The following TOX variants were observed in gnomAD, a reference collection of about 807,000 sequenced individuals.
TOX encodes the protein thymocyte selection-associated high mobility group box protein TOX.
A neutral mutation model predicts 53.7 loss-of-function variants in TOX; 11 were observed. The ratio of observed to expected loss-of-function variants is 0.20; its 90% confidence interval spans 0.13 to 0.34. The LOEUF is 0.34. TOX is among the 10% of genes least tolerant of loss of function. The probability of loss-of-function intolerance (pLI) is 1.00; values close to 1 mark genes in which losing one functional copy is unlikely to be tolerated. For missense variants in TOX, 570 were observed against 664.6 expected, an observed-to-expected ratio of 0.86 and a Z score of 1.56; for synonymous variants, 225 against 245.3, an observed-to-expected ratio of 0.92 and a Z score of 0.77.
At chr8:59,042,399 T>C (rs754593105) in intron 1 of TOX, among the ~76,000 whole-genome samples, 2 of 152,226 alleles carry the variant, frequency 1.3e-5, no homozygotes, top group Non-Finnish European at 2.9e-5. Context: ...ATTTTAAAGA[T>C]AAATATGCTC....
intron 1 of TOX, among the ~76,000 whole-genome samples, chr8:59,068,298 A>C (rs1804131435): frequency 6.6e-6 from 1 of 152,188 alleles, no homozygotes. Context: ...TTATGACAAG[A>C]TATAAGGCAG....
chr8:58,808,157 G>T lies in TOX; in HGVS notation c.1505C>A (p.Pro502Gln), dbSNP rs201487566. The change falls in exon 8 of 9, where the codon CCA becomes CAA. Residue 502 changes from proline to glutamine, a missense_variant. Around this residue, in one of 3 missense-constraint regions of TOX, gnomAD observed 239 missense variants for 250.7 expected, o/e 0.95. Coordinates refer to ENST00000361421, the MANE Select transcript of TOX (RefSeq NM_014729.3). ...YVRSGCRNPPPQPVDWNNDYC... is the reference protein window; with the variant it reads ...YVRSGCRNPPQQPVDWNNDYC... ...GTCGTTATTCCAGTCCACCGGTTGT[G>T]GGGGAGGATTTCTGCACCCCGAACG... The T allele has an allele frequency of 6.1e-5, 98 of 1,613,918 alleles. 1 individual carries two copies. The East Asian group carries it at 6.2e-4, about 10-fold the overall frequency.
At chr8:58,998,493 G>GTGTATATATA (rs1491538699) in intron 1 of TOX, among the ~76,000 whole-genome samples, 1 of 63,642 alleles carries the variant, frequency 1.6e-5, no homozygotes. Context: ...CATCTCAAAA[G>GTGTATATATA]TATATATATA....
chr8:59,046,858 C>CAAAAAA (rs34869193), intron 1 of TOX, among the ~76,000 whole-genome samples: 18 of 77,866 alleles, frequency 2.3e-4, no homozygotes, highest in East Asian at 7.5e-4. Context: ...GACTATGTCT[C>CAAAAAA]AAAAAAAAAA....
chr8:58,923,145 A>G (rs1391511324), intron 3 of TOX, among the ~76,000 whole-genome samples: 2 of 152,092 alleles, frequency 1.3e-5, no homozygotes, highest in Non-Finnish European at 1.5e-5. Flanking sequence ...AGGGTGGTCA[A>G]TCTAATTAAT....
chr8:59,110,996 C>A (rs1805006561), intron 1 of TOX, among the ~76,000 whole-genome samples: 1 of 152,106 alleles, frequency 6.6e-6, no homozygotes, highest in Admixed American at 6.5e-5. Flanking sequence ...AATAATCTAC[C>A]TACTTAATTC....
chr8:58,913,083 T>G, intron 3 of TOX, among the ~76,000 whole-genome samples: 1 of 152,348 alleles, frequency 6.6e-6, no homozygotes, highest in South Asian at 2.1e-4. Flanking sequence ...TCATATCCAT[T>G]GAATGAATGT....
chr8:58,984,373 C>A (rs1245597425), intron 1 of TOX, among the ~76,000 whole-genome samples: 3 of 152,082 alleles, frequency 2.0e-5, no homozygotes, highest in Non-Finnish European at 4.4e-5. Context: ...GATGCATCTC[C>A]AAAGAAGATG....
At chr8:59,052,146 T>C (rs1026070722) in intron 1 of TOX, among the ~76,000 whole-genome samples, 2 of 152,208 alleles carry the variant, frequency 1.3e-5, no homozygotes, top group African/African-American at 4.8e-5. Flanking sequence ...TACCTACTTT[T>C]ATACAGAAAC....
At chr8:58,889,165 A>G (rs1358363376) in intron 3 of TOX, among the ~76,000 whole-genome samples, 1 of 150,390 alleles carries the variant, frequency 6.6e-6, no homozygotes, top group Non-Finnish European at 1.5e-5. Context: ...TTACACTCAT[A>G]TAAGATATTT....
chr8:59,038,348 T>C (rs529578225), intron 1 of TOX, among the ~76,000 whole-genome samples: 26 of 152,322 alleles, frequency 1.7e-4, no homozygotes, highest in African/African-American at 5.8e-4. Context: ...GTAAGGCAGA[T>C]GACAATTAAA....
intron 3 of TOX, among the ~76,000 whole-genome samples, chr8:58,911,018 T>C (rs1037898710): frequency 6.6e-6 from 1 of 152,206 alleles, no homozygotes; most frequent in Non-Finnish European, 1.5e-5. Context: ...ATTTAAATTA[T>C]TGCTTGGTAA....
intron 3 of TOX, among the ~76,000 whole-genome samples, chr8:58,910,689 G>A (rs1376087848): frequency 6.6e-6 from 1 of 152,184 alleles, no homozygotes; most frequent in African/African-American, 2.4e-5. Flanking sequence ...GCACCTTTTA[G>A]AGAGCCTGTT....
chr8:58,988,679 CTG>C (rs1158867081), intron 1 of TOX, among the ~76,000 whole-genome samples: 25 of 152,288 alleles, frequency 1.6e-4, no homozygotes, highest in Non-Finnish European at 2.9e-4. Context: ...GAGAAAATAA[CTG>C]GAAATAATAA....
rs773649323 is a variant in TOX, at chr8:58,815,651, T to C, written c.1079A>G (p.His360Arg). The change falls in exon 7 of 9, where the codon CAT becomes CGT. Residue 360 changes from histidine to arginine, a missense_variant. Around this residue, in one of 3 missense-constraint regions of TOX, gnomAD observed 239 missense variants for 250.7 expected, o/e 0.95. Transcript: ENST00000361421. ...GGCCGAGTGGGCCTGGCTGGGCCCA[T>C]GGAACACCGACGGCTTCGAATTGAT... ...QLINSKPSVFHGPSQAHSALY... is the reference protein window; with the variant it reads ...QLINSKPSVFRGPSQAHSALY... 171 of 1,613,954 alleles carry C rather than the reference T, an allele frequency of 1.1e-4. No individual in the cohort carries two copies. The highest frequency in any genetic ancestry group is 1.4e-4 in the Non-Finnish European group (168 of 1,179,998).
rs188667962 is a variant in TOX, at chr8:58,840,031, G to A, written c.694-1720C>T. Among the ~76,000 whole-genome samples the A allele has an allele frequency of 4.0e-4, 61 of 152,256 alleles. No individual in the cohort carries two copies. The East Asian group carries it at 7.9e-3, about 20-fold the overall frequency. Reference sequence around the variant, plus strand: ...TATATATGTGTAGAAGTTTAAAAGCGTATTCAAATATCAATTATGACAAGG... The same window carrying A: ...TATATATGTGTAGAAGTTTAAAAGCATATTCAAATATCAATTATGACAAGG... On this transcript the variant is annotated intron_variant, in intron 4 of 8. Coordinates refer to ENST00000361421, the MANE Select transcript of TOX (RefSeq NM_014729.3).
intron 3 of TOX, among the ~76,000 whole-genome samples, chr8:58,854,395 T>G (rs1414449331): frequency 6.6e-6 from 1 of 152,060 alleles, no homozygotes; most frequent in African/African-American, 2.4e-5. Context: ...TCCAAAAGCT[T>G]GAAGCAATCT....
intron 1 of TOX, among the ~76,000 whole-genome samples, chr8:59,031,285 T>C (rs936828033): frequency 1.3e-4 from 20 of 152,360 alleles, no homozygotes; most frequent in African/African-American, 4.1e-4. Context: ...GGTTACTTCA[T>C]TGAGCTTGAA....
intron 5 of TOX, among the ~76,000 whole-genome samples, chr8:58,835,703 G>C (rs567956748): frequency 1.1e-4 from 17 of 152,162 alleles, no homozygotes; most frequent in Non-Finnish European, 2.1e-4. Context: ...CCAATCGTGG[G>C]CTAGGGAGTG....
Sources: gnomAD v4.1 joint callset for allele counts (sites outside exome capture counted in the v4.1 genomes callset) on GRCh38, gnomAD v4.1.1 for gene constraint, gnomAD v4.1.1 regional missense constraint, MANE v1.5 for transcripts, NCBI Gene and HGNC (gene_info 2026-07-23, HGNC 2026-07-21) for gene names.